Variants in EPHA3 observed in about 807,000 individuals in gnomAD.
EPHA3 encodes the protein ephrin type-A receptor 3.
EPHA3 carries 42 observed loss-of-function variants against 107.1 expected under a neutral mutation model. The observed-to-expected ratio is 0.39, with a 90% CI of 0.31 to 0.51. EPHA3 has a LOEUF of 0.51. Among genes scored for constraint, EPHA3 ranks in the 20% least tolerant of loss-of-function variants. The probability of loss-of-function intolerance (pLI) is 0.78; values close to 1 mark genes in which losing one functional copy is unlikely to be tolerated. For missense variants in EPHA3, 1,183 were observed against 1,211.2 expected, an observed-to-expected ratio of 0.98 and a Z score of 0.35; for synonymous variants, 461 against 424.8, an observed-to-expected ratio of 1.09 and a Z score of -1.05.
intron 3 of EPHA3, among the ~76,000 whole-genome samples, chr3:89,340,417 A>G (rs1414977645): frequency 8.5e-5 from 13 of 152,226 alleles, no homozygotes; most frequent in Non-Finnish European, 1.5e-4. Flanking sequence ...ATTATTTATC[A>G]AGAATCTTAA....
At chr3:89,110,170 C>G (rs1250829261) in intron 1 of EPHA3, among the ~76,000 whole-genome samples, 1 of 151,698 alleles carries the variant, frequency 6.6e-6, no homozygotes, top group Non-Finnish European at 1.5e-5. Context: ...ATATGAAATA[C>G]TAGACTGTAT....
At chr3:89,407,956 T>G in intron 8 of EPHA3, 111 bp from the exon 9 acceptor site, 2 of 1,060,314 alleles carry the variant, frequency 1.9e-6, no homozygotes, top group Non-Finnish European at 2.8e-6. Context: ...CACTAAAGCA[T>G]TTAATTGTTT....
At chr3:89,237,243 G>A (rs1402831505) in intron 3 of EPHA3, among the ~76,000 whole-genome samples, 4 of 152,098 alleles carry the variant, frequency 2.6e-5, no homozygotes, top group Admixed American at 6.5e-5. Flanking sequence ...GTGATGGTGC[G>A]TGCCTGTAAT....
rs1340376985 is a variant in EPHA3, at chr3:89,211,772, T to C, written c.814+1252T>C. Among the ~76,000 whole-genome samples the C allele has an allele frequency of 2.1e-4, 30 of 142,876 alleles. 1 individual carries two copies. Among genetic ancestry groups the C allele is most frequent in the African/African-American group, 5.4e-4 (20 of 37,282 alleles). The allele number at this position is 142,876 out of a possible 152,430, so 93.7% of individuals were successfully genotyped here. A position where few individuals can be genotyped will look rare whatever the true frequency, so the allele number is the denominator to read the frequency against. ...TTCTTCTTCTTCTTCTTCTTCTTCT[T>C]CTTCTTCTTCTTCTTCTTCTTCTTC... On this transcript the variant is annotated intron_variant, in intron 3 of 16. Transcript: ENST00000336596.
At chr3:89,405,423 G>A (rs1709037032) in intron 7 of EPHA3, among the ~76,000 whole-genome samples, 1 of 152,164 alleles carries the variant, frequency 6.6e-6, no homozygotes, top group African/African-American at 2.4e-5. Flanking sequence ...GAACATCTGA[G>A]CAAGCACTCC....
At chr3:89,148,285 A>T (rs922735571) in intron 2 of EPHA3, among the ~76,000 whole-genome samples, 1 of 151,982 alleles carries the variant, frequency 6.6e-6, no homozygotes, top group Non-Finnish European at 1.5e-5. Context: ...GAGTCTATTC[A>T]AGTACCTGTT....
chr3:89,403,233 GT>G (rs1708998784), intron 7 of EPHA3, among the ~76,000 whole-genome samples: 1 of 152,118 alleles, frequency 6.6e-6, no homozygotes, highest in Non-Finnish European at 1.5e-5. Flanking sequence ...GGTTAAGGAA[GT>G]TTTCCAAAGT....
intron 12 of EPHA3, among the ~76,000 whole-genome samples, chr3:89,429,882 G>A (rs896680034): frequency 6.6e-6 from 1 of 152,068 alleles, no homozygotes; most frequent in Non-Finnish European, 1.5e-5. Context: ...TCCTGCCTCA[G>A]CCTTCCAAAT....
At chr3:89,144,893 T>A (rs1304788140) in intron 2 of EPHA3, among the ~76,000 whole-genome samples, 1 of 151,708 alleles carries the variant, frequency 6.6e-6, no homozygotes, top group Non-Finnish European at 1.5e-5. Flanking sequence ...ATATACCAGT[T>A]TATTGACCTA....
At chr3:89,155,165 G>A (rs1357953322) in intron 2 of EPHA3, among the ~76,000 whole-genome samples, 1 of 151,668 alleles carries the variant, frequency 6.6e-6, no homozygotes, top group East Asian at 1.9e-4. Context: ...AGAAGTGTAT[G>A]TAAAATCAAT....
intron 11 of EPHA3, among the ~76,000 whole-genome samples, chr3:89,419,935 A>G (rs1392331929): frequency 2.0e-5 from 3 of 151,318 alleles, no homozygotes; most frequent in Non-Finnish European, 1.5e-5. Context: ...AATAGTTCTG[A>G]TCTAGAAACC....
intron 5 of EPHA3, among the ~76,000 whole-genome samples, chr3:89,378,947 C>T (rs544387245): frequency 6.6e-6 from 1 of 152,218 alleles, no homozygotes; most frequent in South Asian, 2.1e-4. Context: ...ATGCAATTTA[C>T]TTATTTGGAT....
rs776213763 is a variant in EPHA3, at chr3:89,107,741, C to T, written c.-8C>T. ...TATGCTCCTCTCACTGCCCTCTGCA[C>T]CAGCAACATGGATTGTCAGCTCTCC... On this transcript the variant is annotated 5_prime_UTR_variant, in exon 1 of 17. Coordinates refer to ENST00000336596, the MANE Select transcript of EPHA3 (RefSeq NM_005233.6). 6.2e-7 allele frequency: 1 copy of T among 1,613,826 alleles called. No individual in the cohort carries two copies. Among genetic ancestry groups the T allele is most frequent in the South Asian group, 1.1e-5 (1 of 91,070 alleles).
At chr3:89,128,311 C>T (rs1704134727) in intron 2 of EPHA3, among the ~76,000 whole-genome samples, 1 of 152,028 alleles carries the variant, frequency 6.6e-6, no homozygotes, top group African/African-American at 2.4e-5. Context: ...TTGACTTTGA[C>T]AATATGCCAA....
At chr3:89,444,054 T>C (rs751085063) in intron 13 of EPHA3, among the ~76,000 whole-genome samples, 1 of 152,174 alleles carries the variant, frequency 6.6e-6, no homozygotes, top group Non-Finnish European at 1.5e-5. Context: ...AAGATAATAC[T>C]ACAGAGAGCA....
intron 3 of EPHA3, among the ~76,000 whole-genome samples, chr3:89,285,654 T>G (rs764563440): frequency 6.6e-6 from 1 of 151,990 alleles, no homozygotes; most frequent in Non-Finnish European, 1.5e-5. Context: ...GCCGGAAGAG[T>G]TGTTGGTATA....
chr3:89,437,788 G>C (rs952482940), intron 13 of EPHA3, among the ~76,000 whole-genome samples: 4 of 152,084 alleles, frequency 2.6e-5, no homozygotes, highest in African/African-American at 9.7e-5. Context: ...ATCTTATTTA[G>C]ATGCTGGGTA....
intron 7 of EPHA3, among the ~76,000 whole-genome samples, chr3:89,402,978 G>T (rs1437632411): frequency 1.3e-5 from 2 of 152,080 alleles, no homozygotes; most frequent in Admixed American, 6.5e-5. Flanking sequence ...GTGCCCAGCC[G>T]GTTTTAATTT....
At chr3:89,455,787 C>T (rs1327958953) in intron 15 of EPHA3, among the ~76,000 whole-genome samples, 1 of 152,196 alleles carries the variant, frequency 6.6e-6, no homozygotes, top group Non-Finnish European at 1.5e-5. Context: ...ACTTACACAT[C>T]ATGTATGTGT....
Sources: allele counts gnomAD v4.1 joint callset (sites outside exome capture counted in the v4.1 genomes callset), GRCh38; gene constraint gnomAD v4.1.1; transcripts MANE v1.5; gene names NCBI Gene and HGNC (gene_info 2026-07-23, HGNC 2026-07-21).